The following MCRIP1 variants were observed in gnomAD, a reference collection of about 807,000 sequenced individuals.
The protein encoded by MCRIP1 is MAPK regulated corepressor interacting protein 1, also known as mapk-regulated corepressor-interacting protein 1.
Under a neutral mutation model 14.4 loss-of-function variants are expected in MCRIP1, and 10 were observed. The ratio of observed to expected loss-of-function variants is 0.70; its 90% CI spans 0.43 to 1.18. The LOEUF is 1.18. Ranked by LOEUF, MCRIP1 falls within the 50% of genes most tolerant of loss-of-function variation. The pLI is 0.00. For synonymous variants in MCRIP1, 53 were observed against 55.7 expected (o/e 0.95, Z 0.21); for missense variants, 119 against 135.4 (o/e 0.88, Z 0.60).
At chr17:81,825,415 G>A (rs527675688) in intron 1 of MCRIP1, 2 of 1,189,944 alleles carry the variant, frequency 1.7e-6, no homozygotes, top group South Asian at 1.6e-5. Flanking sequence ...TGCTCCAGAG[G>A]GGGCAACTCC....
In MCRIP1 at chr17:81,827,262, T is replaced by TTTTA. The variant is rs555491860; in HGVS notation, c.-48-2712_-48-2709dup. Among the ~76,000 whole-genome samples the TTTTA allele has an allele frequency of 3.9e-3, 586 of 151,900 alleles. 3 individuals are homozygous for TTTTA. Among genetic ancestry groups the TTTTA allele is most frequent in the Middle Eastern group, 0.014 (4 of 294 alleles). On this transcript the variant is annotated intron_variant, in intron 1 of 4. Transcript: ENST00000455127. ...GGGCAACATGGCAAAATCCCATTTC[T>TTTTA]TTTATTTATTTATTTATTTATTTAT...
At chr17:81,826,582 G>C in intron 1 of MCRIP1, 1 of 569,576 alleles carries the variant, frequency 1.8e-6, no homozygotes, top group Non-Finnish European at 3.1e-6. Context: ...CACTTTGGGA[G>C]GCAGAGGCGG....
At chr17:81,825,781 T>C in intron 1 of MCRIP1, 2 of 1,289,322 alleles carry the variant, frequency 1.6e-6, no homozygotes, top group Non-Finnish European at 1.0e-6. Flanking sequence ...GCTCACAAAG[T>C]CACCTCTCCT....
chr17:81,830,343 G>C (rs2038491688), intron 1 of MCRIP1, among the ~76,000 whole-genome samples: 1 of 152,230 alleles, frequency 6.6e-6, no homozygotes, highest in African/African-American at 2.4e-5. Context: ...TGTTAAGAAT[G>C]AAAGGGGCTG....
At chr17:81,832,948 G>A (rs926626602) in intron 1 of MCRIP1, among the ~76,000 whole-genome samples, 3 of 152,134 alleles carry the variant, frequency 2.0e-5, no homozygotes, top group Non-Finnish European at 2.9e-5. Flanking sequence ...AGCGTCCGGC[G>A]GCGCTGGGTC....
At chr17:81,826,382 G>C (rs778373432) in intron 1 of MCRIP1, 18 of 1,535,320 alleles carry the variant, frequency 1.2e-5, no homozygotes, top group South Asian at 1.2e-5. Context: ...GAACACACCT[G>C]GTGTGGCAGC....
Position 81,823,564 on chromosome 17 carries a change from C to T in MCRIP1, c.128-51G>A, listed in dbSNP as rs1332519961. ...CAGGGCCCCCTGCCCCAGGGGGTGGCATCCACGTCACGAGAGTGCCTGCCC... is the reference window on the plus strand; with the variant it reads ...CAGGGCCCCCTGCCCCAGGGGGTGGTATCCACGTCACGAGAGTGCCTGCCC... On this transcript the variant is annotated intron_variant, in intron 3 of 4. Coordinates refer to ENST00000455127, the MANE Select transcript of MCRIP1 (RefSeq NM_207368.5). This position sits in a 1 kb window ranked among gnomAD's most constrained non-coding sequence, Gnocchi z 6.0. The T allele has an allele frequency of 1.4e-6, 2 of 1,464,536 alleles. No homozygotes were observed. The highest frequency in any genetic ancestry group is 1.4e-5 in the African/African-American group (1 of 71,678). The allele number at this position is 1,464,536 out of a possible 1,614,324, so 90.7% of individuals were successfully genotyped here. A position where few individuals can be genotyped will look rare whatever the true frequency, so the allele number is the denominator to read the frequency against.
chr17:81,825,885 A>T (rs1247587866), intron 1 of MCRIP1: 60 of 1,290,822 alleles, frequency 4.6e-5, no homozygotes, highest in Non-Finnish European at 5.8e-5. Context: ...GTTTGGGTTG[A>T]GGGTCCCACA....
chr17:81,826,858 G>T (rs1052783741), intron 1 of MCRIP1, among the ~76,000 whole-genome samples: 2 of 141,070 alleles, frequency 1.4e-5, no homozygotes, highest in Non-Finnish European at 3.0e-5. Flanking sequence ...GGTGGCTCAC[G>T]CCTGTAATCC....
chr17:81,824,733 C>A, intron 1 of MCRIP1, 179 bp from the exon 2 acceptor site: 1 of 1,445,434 alleles, frequency 6.9e-7, no homozygotes. Flanking sequence ...CAGTGGGCTC[C>A]AGGCAACCCT....
rs1156431145 is a variant in MCRIP1 at position 81,823,188 on chromosome 17, G to A, written c.*59C>T. ...TCCCAGGGGCAGGACCACAGGACAG[G>A]AGGGAACCGACACCTCGCACCCTGA... On this transcript the variant is annotated 3_prime_UTR_variant, in exon 5 of 5. Coordinates refer to ENST00000455127, the MANE Select transcript of MCRIP1 (RefSeq NM_207368.5). The surrounding 1 kb of genome is among the most constrained non-coding windows in gnomAD (Gnocchi z 6.0). 3 of 1,492,714 alleles carry A rather than the reference G, an allele frequency of 2.0e-6. No individual in the cohort carries two copies. The highest frequency in any genetic ancestry group is 1.4e-5 in the African/African-American group (1 of 72,070). The allele number at this position is 1,492,714 out of a possible 1,614,324, so 92.5% of individuals were successfully genotyped here.
At chr17:81,830,200 G>A (rs1317260049) in intron 1 of MCRIP1, among the ~76,000 whole-genome samples, 1 of 152,254 alleles carries the variant, frequency 6.6e-6, no homozygotes, top group East Asian at 1.9e-4. Context: ...GCAGCCCACA[G>A]GTAGGCTCGC....
rs2038327645 is a variant in MCRIP1, at chr17:81,823,912, A to AGTG, written c.127+374_127+375insCAC. ...ACCACCTCCCGGCCACTTCTGCAAC[A>AGTG]CGCCCGTTCATGGCTGGATGCGTGC... On this transcript the variant is annotated intron_variant, in intron 3 of 4. Transcript: ENST00000455127. This position sits in a 1 kb window ranked among gnomAD's most constrained non-coding sequence, Gnocchi z 6.0. 5 of 503,724 alleles carry AGTG rather than the reference A, an allele frequency of 9.9e-6. No individual in the cohort carries two copies. Among genetic ancestry groups the AGTG allele is most frequent in the Non-Finnish European group, 1.8e-5 (5 of 283,472 alleles). The allele number at this position is 503,724 out of a possible 1,614,324, so 31.2% of individuals were successfully genotyped here. A position where few individuals can be genotyped will look rare whatever the true frequency, so the allele number is the denominator to read the frequency against.
intron 1 of MCRIP1, among the ~76,000 whole-genome samples, chr17:81,830,362 C>T (rs75510649): frequency 0.025 from 3,834 of 152,300 alleles, 118 homozygotes; most frequent in African/African-American, 0.079. Context: ...TGGGGCCAGG[C>T]GTGGTGGCTC....
In MCRIP1 at chr17:81,823,064, C is replaced by T. The variant is rs2038303468; in HGVS notation, c.*183G>A. 1 of 658,352 alleles carries T rather than the reference C, an allele frequency of 1.5e-6. No homozygotes were observed. Among genetic ancestry groups the T allele is most frequent in the Non-Finnish European group, 2.7e-6 (1 of 374,302 alleles). The allele number at this position is 658,352 out of a possible 1,614,324, so 40.8% of individuals were successfully genotyped here. On this transcript the variant is annotated 3_prime_UTR_variant, in exon 5 of 5. Transcript: ENST00000455127. The surrounding 1 kb of genome is among the most constrained non-coding windows in gnomAD (Gnocchi z 6.0). ...CCATGATGGGGGCAGCCTGAGACCC[C>T]CAAGGATGAAGGAAGGGGGCTTGGG...
At position 81,823,046 on chromosome 17, in the gene MCRIP1, G is replaced by T; in HGVS notation, c.*201C>A. 2 of 622,092 alleles carry T rather than the reference G, an allele frequency of 3.2e-6. No individual in the cohort carries two copies. The highest frequency in any genetic ancestry group is 5.7e-6 in the Non-Finnish European group (2 of 351,780). 38.5% of individuals were successfully genotyped at this position (622,092 alleles called of 1,614,324 possible). A position where few individuals can be genotyped will look rare whatever the true frequency, so the allele number is the denominator to read the frequency against. ...TGGGCAGGGCCCAGACCCCCATGAT[G>T]GGGGCAGCCTGAGACCCCCAAGGAT... On this transcript the variant is annotated 3_prime_UTR_variant, in exon 5 of 5. Transcript: ENST00000455127. The surrounding 1 kb of genome is among the most constrained non-coding windows in gnomAD (Gnocchi z 6.0).
At position 81,824,313 on chromosome 17, in the gene MCRIP1, T is replaced by C; in HGVS notation, c.101A>G (p.Glu34Gly). 1 of 1,536,370 alleles carries C rather than the reference T, an allele frequency of 6.5e-7. No homozygotes were observed. The highest frequency in any genetic ancestry group is 8.7e-7 in the Non-Finnish European group (1 of 1,146,730). The change falls in exon 3 of 5, where the codon GAG becomes GGG. Residue 34 changes from glutamate (E) to glycine (G), a missense_variant. Transcript: ENST00000455127. ...SSSEIFTPAH[E>G]ENVRFIYEAW... is the part of the protein sequence containing the mutation. ...TTCGTAAATGAAGCGGACGTTCTCCTCGTGGGCTGGGGTGAAGATCTCGCT... is the reference window on the plus strand; with the variant it reads ...TTCGTAAATGAAGCGGACGTTCTCCCCGTGGGCTGGGGTGAAGATCTCGCT...
rs1040435879 is a variant in MCRIP1, at chr17:81,833,245, C to G, written c.-56G>C. ...GCGCCGCACCCGCCTCACCTCGCCCCGACCCGCCGCCACCGCCTCTTCCAG... is the reference window on the plus strand; with the variant it reads ...GCGCCGCACCCGCCTCACCTCGCCCGGACCCGCCGCCACCGCCTCTTCCAG... On this transcript the variant is annotated 5_prime_UTR_variant, in exon 1 of 5. Coordinates refer to ENST00000455127, the MANE Select transcript of MCRIP1 (RefSeq NM_207368.5). The G allele has an allele frequency of 1.3e-5, 2 of 150,702 alleles. No homozygotes were observed. Among genetic ancestry groups the G allele is most frequent in the East Asian group, 1.9e-4 (1 of 5,178 alleles). 9.3% of individuals were successfully genotyped at this position (150,702 alleles called of 1,614,324 possible).
intron 1 of MCRIP1, among the ~76,000 whole-genome samples, chr17:81,831,875 G>A (rs2038527366): frequency 6.6e-6 from 1 of 152,106 alleles, no homozygotes; most frequent in Non-Finnish European, 1.5e-5. Context: ...TCAGAGACTG[G>A]CCCTCCCTCC....
Sources: allele counts gnomAD v4.1 joint callset (sites outside exome capture counted in the v4.1 genomes callset), GRCh38; gene constraint gnomAD v4.1.1; non-coding constraint Gnocchi (gnomAD v3.1); transcripts MANE v1.5; gene names NCBI Gene and HGNC (gene_info 2026-07-23, HGNC 2026-07-21).